CNTNAP3B: variants seen among roughly 807,000 people sequenced by gnomAD.
CNTNAP3B encodes the protein contactin-associated protein-like 3B.
CNTNAP3B carries 25 observed loss-of-function variants against 108.9 expected under a neutral mutation model. The observed-to-expected ratio is 0.23, with a 90% confidence interval of 0.17 to 0.32. CNTNAP3B has a LOEUF of 0.32. CNTNAP3B is among the 10% of genes least tolerant of loss of function. CNTNAP3B has a pLI of 1.00. For synonymous variants in CNTNAP3B, 103 were observed against 473.4 expected (o/e 0.22, Z 10.16); for missense variants, 252 against 1,210.4 (o/e 0.21, Z 11.75).
intron 13 of CNTNAP3B, among the ~76,000 whole-genome samples, chr9:41,951,906 G>A (rs1319442090): frequency 3.3e-5 from 5 of 152,258 alleles, no homozygotes; most frequent in South Asian, 2.1e-4. Flanking sequence ...GTGAAACCCC[G>A]TCTCTACTAA....
At position 42,124,587 on chromosome 9, in the gene CNTNAP3B, G is replaced by T; in HGVS notation, c.85+4423C>A. ...AAGCGTTTGCAAATGCTCTTACAAC[G>T]TGGAGCAACCGGGCCTAGGGACAAG... On this transcript the variant is annotated intron_variant, in intron 1 of 23. Coordinates refer to ENST00000377561, the MANE Select transcript of CNTNAP3B (RefSeq NM_001201380.3). 1.6e-5 allele frequency among the ~76,000 whole-genome samples: 2 copies of T among 128,266 alleles called. 1 individual carries two copies. Among genetic ancestry groups the T allele is most frequent in the Non-Finnish European group, 3.3e-5 (2 of 61,520 alleles). The allele number at this position is 128,266 out of a possible 152,430, so 84.1% of individuals were successfully genotyped here. A position where few individuals can be genotyped will look rare whatever the true frequency, so the allele number is the denominator to read the frequency against.
chr9:41,918,489 A>G lies in CNTNAP3B; in HGVS notation c.2995+1581T>C, dbSNP rs557302715. Among the ~76,000 whole-genome samples the G allele has an allele frequency of 5.5e-4, 80 of 145,616 alleles. 5 individuals carry two copies. In the South Asian group the frequency reaches 0.016, roughly 30 times the overall value. On this transcript the variant is annotated intron_variant, in intron 18 of 23. Transcript: ENST00000377561. ...ACACACACCCCCCAAATATATCTGTAAATAAAAAGAAAATGTTGGGTGATG... is the reference window on the plus strand; with the variant it reads ...ACACACACCCCCCAAATATATCTGTGAATAAAAAGAAAATGTTGGGTGATG...
intron 9 of CNTNAP3B, among the ~76,000 whole-genome samples, chr9:41,977,240 G>C (rs892298236): frequency 8.6e-5 from 13 of 151,578 alleles, no homozygotes; most frequent in African/African-American, 3.2e-4. Context: ...CCCTAAAGGT[G>C]ATACTATATT....
At chr9:41,967,813 T>C (rs1376562268) in intron 10 of CNTNAP3B, among the ~76,000 whole-genome samples, 6 of 152,286 alleles carry the variant, frequency 3.9e-5, no homozygotes, top group Admixed American at 6.5e-5. Context: ...GTAAATAGCC[T>C]TTATTTGTAG....
At chr9:42,103,173 G>A (rs1372716647) in intron 2 of CNTNAP3B, among the ~76,000 whole-genome samples, 3 of 134,720 alleles carry the variant, frequency 2.2e-5, no homozygotes, top group East Asian at 4.4e-4. Context: ...CACTGTTTCA[G>A]TGATAATGAC....
chr9:41,944,165 C>T (rs1159475015), intron 13 of CNTNAP3B, among the ~76,000 whole-genome samples: 1 of 148,594 alleles, frequency 6.7e-6, no homozygotes, highest in Non-Finnish European at 1.5e-5. Flanking sequence ...CTCCAGTAGA[C>T]CTACCTTGCA....
intron 14 of CNTNAP3B, among the ~76,000 whole-genome samples, chr9:41,934,395 T>C (rs944842097): frequency 6.6e-6 from 1 of 152,254 alleles, no homozygotes. Context: ...ATATTTTTTG[T>C]ATTTTTAGTA....
chr9:42,075,402 G>A lies in CNTNAP3B; in HGVS notation c.390+1467C>T, dbSNP rs79730251. On this transcript the variant is annotated intron_variant, in intron 3 of 23. Transcript: ENST00000377561. ...TTGAAAGGAAGCTCACACTGTGAGC[G>A]GGCACCAGGAAAGTAAATCACTTGT... Among the ~76,000 whole-genome samples, 77 of 131,460 alleles carry A rather than the reference G, an allele frequency of 5.9e-4. 10 individuals are homozygous for A. Among genetic ancestry groups the A allele is most frequent in the African/African-American group, 1.4e-3 (45 of 33,194 alleles). The allele number at this position is 131,460 out of a possible 152,430, so 86.2% of individuals were successfully genotyped here.
intron 16 of CNTNAP3B, among the ~76,000 whole-genome samples, chr9:41,923,147 C>T (rs1211732196): frequency 7.4e-6 from 1 of 134,476 alleles, no homozygotes; most frequent in African/African-American, 2.9e-5. Context: ...GAGATATGTA[C>T]CCATAGCTGG....
chr9:42,020,600 G>T (rs1361256450), intron 3 of CNTNAP3B, among the ~76,000 whole-genome samples: 6 of 148,844 alleles, frequency 4.0e-5, no homozygotes, highest in Non-Finnish European at 8.9e-5. Context: ...AGGCATTGTT[G>T]CAAAATCAGG....
rs1474702660 is a variant in CNTNAP3B at position 42,126,695 on chromosome 9, G to A, written c.85+2315C>T. ...AGCGATTCTCCTGCCTCAGCCTCCC[G>A]AGTAGCTGGAATTACAGATGCCTGC... is the stretch of plus-strand genomic sequence containing the variant. On this transcript the variant is annotated intron_variant, in intron 1 of 23. Transcript: ENST00000377561. Among the ~76,000 whole-genome samples, 8 of 134,884 alleles carry A rather than the reference G, an allele frequency of 5.9e-5. 1 individual carries two copies. Among genetic ancestry groups the A allele is most frequent in the East Asian group, 4.6e-4 (2 of 4,382 alleles). 88.5% of individuals were successfully genotyped at this position (134,884 alleles called of 152,430 possible). A position where few individuals can be genotyped will look rare whatever the true frequency, so the allele number is the denominator to read the frequency against.
At chr9:42,088,558 T>C (rs1827751215) in intron 2 of CNTNAP3B, among the ~76,000 whole-genome samples, 1 of 139,530 alleles carries the variant, frequency 7.2e-6, no homozygotes, top group Non-Finnish European at 1.5e-5. Flanking sequence ...ATCTACATAT[T>C]TCTTCAATCG....
intron 13 of CNTNAP3B, among the ~76,000 whole-genome samples, chr9:41,940,376 A>G (rs1587125163): frequency 2.6e-5 from 4 of 152,408 alleles, no homozygotes; most frequent in East Asian, 3.9e-4. Flanking sequence ...TGCCTGTAAA[A>G]GAACCCTAAT....
chr9:42,120,650 T>A (rs1320060760), intron 1 of CNTNAP3B, among the ~76,000 whole-genome samples: 2 of 136,740 alleles, frequency 1.5e-5, no homozygotes, highest in Admixed American at 1.5e-4. Flanking sequence ...CCATAAAAAA[T>A]GATGAGTTCA....
chr9:42,058,321 A>T (rs1320461929), intron 3 of CNTNAP3B, among the ~76,000 whole-genome samples: 1 of 152,176 alleles, frequency 6.6e-6, no homozygotes, highest in Non-Finnish European at 1.5e-5. Context: ...ACAAATTTAC[A>T]TTGCCACCAA....
At chr9:41,935,111 C>T (rs1328459803) in intron 14 of CNTNAP3B, among the ~76,000 whole-genome samples, 2 of 152,270 alleles carry the variant, frequency 1.3e-5, no homozygotes, top group African/African-American at 2.4e-5. Context: ...TGACTTGCAG[C>T]ATAGTTCAAT....
chr9:41,930,771 C>G (rs1168977440), intron 14 of CNTNAP3B, among the ~76,000 whole-genome samples: 3 of 152,256 alleles, frequency 2.0e-5, no homozygotes, highest in Admixed American at 6.5e-5. Flanking sequence ...CTAGGGGAAC[C>G]TGGGGTCCTG....
At chr9:41,958,598 C>T (rs1478757655) in intron 12 of CNTNAP3B, among the ~76,000 whole-genome samples, 2 of 151,702 alleles carry the variant, frequency 1.3e-5, no homozygotes, top group African/African-American at 4.9e-5. Context: ...GGGCTGTGAC[C>T]TTCACAAGAG....
chr9:41,920,774 A>C (rs1270957511), intron 17 of CNTNAP3B, among the ~76,000 whole-genome samples: 2,507 of 150,120 alleles, frequency 0.017, 1 homozygote, highest in African/African-American at 0.061. Flanking sequence ...TATATGGATA[A>C]ATTTCTTACT....
Sources: gnomAD v4.1 joint callset for allele counts (sites outside exome capture counted in the v4.1 genomes callset) on GRCh38, gnomAD v4.1.1 for gene constraint, MANE v1.5 for transcripts, NCBI Gene and HGNC (gene_info 2026-07-23, HGNC 2026-07-21) for gene names.